Variants in DRC1 observed in about 807,000 individuals in gnomAD.
DRC1 encodes dynein regulatory complex protein 1.
Under a neutral mutation model 98.7 loss-of-function variants are expected in DRC1, and 74 were observed. The ratio of observed to expected loss-of-function variants is 0.75; its 90% CI spans 0.62 to 0.91. The LOEUF is 0.91. Among genes scored for constraint, DRC1 ranks in the 40% least tolerant of loss-of-function variants. DRC1 has a pLI of 0.00. For synonymous variants in DRC1, 336 were observed against 334.1 expected (o/e 1.01, Z -0.06); for missense variants, 875 against 886.0 (o/e 0.99, Z 0.16).
chr2:26,437,852 G>C (rs1663612284), intron 7 of DRC1, among the ~76,000 whole-genome samples: 1 of 151,992 alleles, frequency 6.6e-6, no homozygotes, highest in Non-Finnish European at 1.5e-5. Flanking sequence ...ACTTTGGGAA[G>C]TCAAGGCGGG....
intron 10 of DRC1, among the ~76,000 whole-genome samples, chr2:26,446,045 C>T (rs911972820): frequency 4.6e-5 from 7 of 150,922 alleles, no homozygotes; most frequent in African/African-American, 1.7e-4. Context: ...TGCCTCTTGT[C>T]TGGAATCAGC....
At chr2:26,433,649 T>G (rs1288821595) in intron 7 of DRC1, among the ~76,000 whole-genome samples, 2 of 152,184 alleles carry the variant, frequency 1.3e-5, no homozygotes, top group Non-Finnish European at 2.9e-5. Flanking sequence ...TAATCCAATG[T>G]CCAAATATTT....
chr2:26,416,431 TG>T (rs1265218297), intron 2 of DRC1, among the ~76,000 whole-genome samples: 3 of 152,138 alleles, frequency 2.0e-5, no homozygotes, highest in African/African-American at 7.2e-5. Context: ...TGAGCCACCG[TG>T]CCCGGCCTTA....
intron 1 of DRC1, among the ~76,000 whole-genome samples, chr2:26,410,597 G>A (rs991194761): frequency 5.3e-5 from 8 of 151,982 alleles, no homozygotes; most frequent in African/African-American, 1.4e-4. Context: ...TTTTTAATTA[G>A]AAGATATTAT....
At chr2:26,412,355 C>A (rs1023854001) in intron 1 of DRC1, among the ~76,000 whole-genome samples, 58 of 152,034 alleles carry the variant, frequency 3.8e-4, no homozygotes, top group Admixed American at 6.6e-4. Flanking sequence ...GCAACAAGAG[C>A]GAAACTCCGT....
Position 26,421,276 on chromosome 2 carries a change from C to T in DRC1, c.244-12C>T. 1 of 1,610,006 alleles carries T rather than the reference C, an allele frequency of 6.2e-7. No individual in the cohort carries two copies. Among genetic ancestry groups the T allele is most frequent in the Non-Finnish European group, 8.5e-7 (1 of 1,177,668 alleles). On this transcript the variant is annotated splice_polypyrimidine_tract_variant and intron_variant, in intron 2 of 16. Coordinates refer to ENST00000288710, the MANE Select transcript of DRC1 (RefSeq NM_145038.5). The stretch of plus-strand genomic sequence containing the variant: ...GTTCTAGCTTTGTAAATTCTTATAT[C>T]TCTCTTTTTAGAAATTGGCTAAACT...
intron 7 of DRC1, among the ~76,000 whole-genome samples, chr2:26,438,219 C>G: frequency 6.6e-6 from 1 of 151,472 alleles, no homozygotes; most frequent in East Asian, 1.9e-4. Flanking sequence ...CAGTTTGATT[C>G]CAACTATGTA....
intron 4 of DRC1, among the ~76,000 whole-genome samples, chr2:26,425,271 C>T (rs542217819): frequency 5.3e-5 from 8 of 152,260 alleles, no homozygotes; most frequent in South Asian, 4.1e-4. Context: ...TTTAAGGCTG[C>T]GTAGTATTTC....
intron 2 of DRC1, among the ~76,000 whole-genome samples, chr2:26,418,557 T>TTTATATATAATATATATTATATATAAA (rs1678895348): frequency 1.1e-5 from 1 of 94,928 alleles, no homozygotes; most frequent in African/African-American, 4.8e-5. Flanking sequence ...TTATATATAA[T>TTTATATATAATATATATTATATATAAA]TTATATATAA....
chr2:26,408,150 G>A (rs962429471), intron 1 of DRC1, among the ~76,000 whole-genome samples: 2 of 152,284 alleles, frequency 1.3e-5, no homozygotes, highest in Admixed American at 6.5e-5. Flanking sequence ...AGAAGTGGAG[G>A]TGACAAAGGG....
At position 26,447,073 on chromosome 2, in the gene DRC1, G is replaced by A. The variant is rs1410055919; in HGVS notation, c.1397-1618G>A. On this transcript the variant is annotated intron_variant, in intron 10 of 16. Coordinates refer to ENST00000288710, the MANE Select transcript of DRC1 (RefSeq NM_145038.5). ...CCACTGCACTCCAGGATGAGCAACA[G>A]AGTGAGCCTCTTTCTCAAAAAAATA... is the stretch of plus-strand genomic sequence containing the variant. Among the ~76,000 whole-genome samples, 4 of 151,046 alleles carry A rather than the reference G, an allele frequency of 2.6e-5. No individual in the cohort carries two copies. In the South Asian group the frequency reaches 6.3e-4, roughly 24 times the overall value.
intron 4 of DRC1, among the ~76,000 whole-genome samples, chr2:26,424,795 T>C (rs1374524363): frequency 1.3e-5 from 2 of 151,916 alleles, no homozygotes; most frequent in Non-Finnish European, 1.5e-5. Flanking sequence ...CTACTAAAAA[T>C]ATAAAAATTA....
chr2:26,410,464 G>A (rs1678570155), intron 1 of DRC1, among the ~76,000 whole-genome samples: 1 of 151,790 alleles, frequency 6.6e-6, no homozygotes, highest in Admixed American at 6.6e-5. Flanking sequence ...TAGAGACAGG[G>A]TTTCACCATG....
chr2:26,407,352 G>A (rs1029744712), intron 1 of DRC1, among the ~76,000 whole-genome samples: 1 of 152,144 alleles, frequency 6.6e-6, no homozygotes, highest in South Asian at 2.1e-4. Context: ...TAAGCTGATA[G>A]TGAAGAAAGC....
chr2:26,423,994 G>A (rs1663217626), intron 3 of DRC1, among the ~76,000 whole-genome samples: 2 of 152,210 alleles, frequency 1.3e-5, no homozygotes, highest in African/African-American at 4.8e-5. Context: ...CGATCTTGGT[G>A]TGTGTGCGTG....
At chr2:26,403,243 C>T (rs1001263774) in intron 1 of DRC1, among the ~76,000 whole-genome samples, 1 of 152,190 alleles carries the variant, frequency 6.6e-6, no homozygotes, top group Non-Finnish European at 1.5e-5. Flanking sequence ...CACTGGAGGG[C>T]ACATTTGTAA....
chr2:26,421,709 C>T lies in DRC1; in HGVS notation c.356+309C>T, dbSNP rs553590477. On this transcript the variant is annotated intron_variant, in intron 3 of 16. Transcript: ENST00000288710. Reference sequence around the variant, plus strand: ...CTGAGTAGCTGGGATTACAGGCATGCGCCACCAAGCCAGGCTAATTTTGTA... The same window carrying T: ...CTGAGTAGCTGGGATTACAGGCATGTGCCACCAAGCCAGGCTAATTTTGTA... Among the ~76,000 whole-genome samples, 23 of 152,100 alleles carry T rather than the reference C, an allele frequency of 1.5e-4. No individual in the cohort carries two copies. In the South Asian group the frequency reaches 3.3e-3, roughly 22 times the overall value.
intron 7 of DRC1, among the ~76,000 whole-genome samples, chr2:26,433,859 G>T (rs1228765456): frequency 1.3e-5 from 2 of 152,024 alleles, no homozygotes; most frequent in African/African-American, 2.4e-5. Flanking sequence ...GAGCCTTTGC[G>T]TCCTAGTTCT....
chr2:26,455,304 T>A, intron 16 of DRC1, 71 bp downstream of exon 16: 1 of 1,467,708 alleles, frequency 6.8e-7, no homozygotes, highest in Non-Finnish European at 9.4e-7. Context: ...GAGCTGGGAT[T>A]AGGGAACGAG....
Sources: allele counts gnomAD v4.1 joint callset (sites outside exome capture counted in the v4.1 genomes callset), GRCh38; gene constraint gnomAD v4.1.1; transcripts MANE v1.5; gene names NCBI Gene and HGNC (gene_info 2026-07-23, HGNC 2026-07-21).